Variants in LCN8 observed in about 807,000 individuals in gnomAD.
LCN8 encodes the protein lipocalin 8.
In LCN8, 16 loss-of-function variants were observed where a neutral mutation model predicts 22.8. The observed-to-expected ratio is 0.70, with a 90% CI of 0.47 to 1.06. The LOEUF (loss-of-function observed/expected upper bound fraction) is 1.06. Ranked by LOEUF, LCN8 falls within the 50% of genes least tolerant of loss-of-function variation. The pLI, the probability that LCN8 is intolerant of heterozygous loss-of-function variation, is 0.00. For synonymous variants in LCN8, 92 were observed against 83.4 expected (o/e 1.10, Z -0.56); for missense variants, 189 against 203.3 (o/e 0.93, Z 0.43).
Position 136,756,530 on chromosome 9 carries a change from G to A in LCN8, c.218C>T (p.Ala73Val). ...GSEIDSTGKF[A>V]FPGHREIHVL... ...AGGGCAACTGCACTTACCAGGAAAA[G>A]CGAATTTTCCCGTACTGTCTATTTC... The change falls in exon 3 of 7, where the codon GCT (alanine) becomes GTT (valine). Residue 73 changes from alanine (A) to valine (V), a missense_variant. Coordinates refer to ENST00000371688, the MANE Select transcript of LCN8 (RefSeq NM_178469.4). The A allele has an allele frequency of 1.2e-6, 2 of 1,614,130 alleles. No individual in the cohort carries two copies. The highest frequency in any genetic ancestry group is 1.7e-6 in the Non-Finnish European group (2 of 1,180,020).
chr9:136,758,450 C>T (rs909211717), upstream of LCN8: 15 of 992,864 alleles, frequency 1.5e-5, no homozygotes, highest in Admixed American at 2.3e-4. Context: ...GTGTGCCAGA[C>T]GCAGTGGGCA....
rs990340638 is a variant in LCN8 at position 136,758,166 on chromosome 9, G to A, written c.-236C>T. The A allele has an allele frequency of 5.6e-6, 8 of 1,429,012 alleles. No individual in the cohort carries two copies. The highest frequency in any genetic ancestry group is 2.9e-5 in the South Asian group (2 of 68,148). The allele number at this position is 1,429,012 out of a possible 1,614,324, so 88.5% of individuals were successfully genotyped here. A position where few individuals can be genotyped will look rare whatever the true frequency, so the allele number is the denominator to read the frequency against. On this transcript the variant is annotated 5_prime_UTR_variant, in exon 1 of 7. Transcript: ENST00000371688. ...CGCCATCGGCCCTGGTGACACCCAC[G>A]CCCACCGCAGGGGTTAGCCTGGCCT...
chr9:136,754,603 G>C lies in LCN8; in HGVS notation c.448-94C>G, dbSNP rs945267431. 2.3e-5 allele frequency: 35 copies of C among 1,497,656 alleles called. No homozygotes were observed. In the Admixed American group the frequency reaches 3.2e-4, roughly 14 times the overall value. The allele number at this position is 1,497,656 out of a possible 1,614,324, so 92.8% of individuals were successfully genotyped here. On this transcript the variant is annotated intron_variant, in intron 6 of 6. Coordinates refer to ENST00000371688, the MANE Select transcript of LCN8 (RefSeq NM_178469.4). ...GCCACACGGCGGGACTTCTGTCCTC[G>C]CTGCCTGGTTTTGCGCAAAGCACCC... is the stretch of plus-strand genomic sequence containing the variant.
intron 3 of LCN8, 157 bp downstream of exon 3, chr9:136,756,365 G>C: frequency 1.3e-6 from 2 of 1,582,000 alleles, no homozygotes; most frequent in Non-Finnish European, 1.7e-6. Context: ...ACAGGGAATA[G>C]TTCAGGGAAC....
intron 1 of LCN8, chr9:136,757,512 A>C: frequency 7.4e-7 from 1 of 1,348,688 alleles, no homozygotes; most frequent in Non-Finnish European, 9.5e-7. Flanking sequence ...AGGCCTGGAA[A>C]AGAAAGCCCG....
At chr9:136,758,479 G>A (rs1564333383), upstream of LCN8, 12 of 991,776 alleles carry the variant, frequency 1.2e-5, no homozygotes, top group Non-Finnish European at 1.1e-5. Flanking sequence ...TCCGGAGGCC[G>A]GAGGCACAGC....
At chr9:136,755,917 G>C in intron 3 of LCN8, 3 of 1,296,924 alleles carry the variant, frequency 2.3e-6, no homozygotes, top group Middle Eastern at 2.1e-4. Flanking sequence ...AACAGTGCAG[G>C]GAGCATTGCA....
chr9:136,754,991 T>A, intron 6 of LCN8, 144 bp downstream of exon 6: 1 of 1,415,958 alleles, frequency 7.1e-7, no homozygotes, highest in Non-Finnish European at 9.2e-7. Flanking sequence ...CCACCAGTGG[T>A]GTTTGGTGTC....
At chr9:136,754,918 G>A in intron 6 of LCN8, 2 of 1,377,810 alleles carry the variant, frequency 1.5e-6, no homozygotes, top group East Asian at 2.7e-5. Context: ...GGCAGCCTAG[G>A]GTCACCACCC....
intron 1 of LCN8, 166 bp from the exon 2 acceptor site, chr9:136,757,334 G>T: frequency 6.9e-7 from 1 of 1,448,800 alleles, no homozygotes; most frequent in Middle Eastern, 2.5e-4. Context: ...CTGTCCCCAG[G>T]CATGTGTCCC....
rs145052535 is a variant in LCN8 at position 136,757,984 on chromosome 9, G to A, written c.-54C>T. The A allele has an allele frequency of 5.3e-3, 8,563 of 1,608,386 alleles. 35 individuals are homozygous for A. Among genetic ancestry groups the A allele is most frequent in the Non-Finnish European group, 6.7e-3 (7,881 of 1,178,370 alleles). ...ACGAGGACACCCAGGATGGTGCACG[G>A]CAGCCTGGCCTCCGTGGCGGGGTCC... is the stretch of plus-strand genomic sequence containing the variant. On this transcript the variant is annotated 5_prime_UTR_variant, in exon 1 of 7. Coordinates refer to ENST00000371688, the MANE Select transcript of LCN8 (RefSeq NM_178469.4).
intron 6 of LCN8, chr9:136,754,835 A>C: frequency 1.5e-6 from 2 of 1,344,332 alleles, no homozygotes; most frequent in Non-Finnish European, 1.9e-6. Context: ...CACCGAAGAA[A>C]AGGCGCCATT....
rs115550517 is a variant in LCN8, at chr9:136,755,114, A to T, written c.447+21T>A. 2.9e-3 allele frequency: 4,475 copies of T among 1,538,212 alleles called. 127 individuals carry two copies. In the African/African-American group the frequency reaches 0.054, roughly 19 times the overall value. ...GGGCCCGGGAACTTCAGCACAGGCC[A>T]GGGTCGGGGGTCAGGCTCACCTCCT... On this transcript the variant is annotated intron_variant, in intron 6 of 6. Coordinates refer to ENST00000371688, the MANE Select transcript of LCN8 (RefSeq NM_178469.4).
intron 1 of LCN8, chr9:136,757,672 A>G: frequency 1.4e-6 from 2 of 1,434,612 alleles, no homozygotes; most frequent in Non-Finnish European, 1.8e-6. Context: ...AAACCCTACC[A>G]TTTTCGGGAG....
At chr9:136,754,582 C>T (rs982046111) in intron 6 of LCN8, 73 bp from the exon 7 acceptor site, 3 of 1,521,966 alleles carry the variant, frequency 2.0e-6, no homozygotes, top group East Asian at 2.5e-5. Context: ...ATGAGGGCCA[C>T]ACGGCGGGAC....
At chr9:136,756,338 A>C in intron 3 of LCN8, 184 bp downstream of exon 3, 1 of 1,548,482 alleles carries the variant, frequency 6.5e-7, no homozygotes, top group Non-Finnish European at 8.7e-7. Context: ...AGTGCAGGGA[A>C]CAACATGGGG....
chr9:136,754,469 G>A lies in LCN8; in HGVS notation c.*29C>T, dbSNP rs535892853. On this transcript the variant is annotated 3_prime_UTR_variant, in exon 7 of 7. Transcript: ENST00000371688. ...AGGGGCAGGGGTGGGCGGGCGCTCC[G>A]AACCTTGTGGTCTGAGGCAGGAACT... 4.7e-5 allele frequency: 73 copies of A among 1,556,374 alleles called. No homozygotes were observed. The highest frequency in any genetic ancestry group is 1.2e-4 in the East Asian group (5 of 42,348).
chr9:136,758,238 G>A lies in LCN8; in HGVS notation c.-308C>T. Reference sequence around the variant, plus strand: ...CCCTCCTGGCATATGGACAGCGGTGGACGCTGCTGGGGCCGTCTCGGAGCC... The same window carrying A: ...CCCTCCTGGCATATGGACAGCGGTGAACGCTGCTGGGGCCGTCTCGGAGCC... On this transcript the variant is annotated 5_prime_UTR_variant, in exon 1 of 7. Coordinates refer to ENST00000371688, the MANE Select transcript of LCN8 (RefSeq NM_178469.4). 7.6e-7 allele frequency: 1 copy of A among 1,312,216 alleles called. No homozygotes were observed. The highest frequency in any genetic ancestry group is 9.7e-7 in the Non-Finnish European group (1 of 1,025,906). 81.3% of individuals were successfully genotyped at this position (1,312,216 alleles called of 1,614,324 possible). A position where few individuals can be genotyped will look rare whatever the true frequency, so the allele number is the denominator to read the frequency against.
chr9:136,755,171 G>T lies in LCN8; in HGVS notation c.422-11C>A, dbSNP rs201216984. The T allele has an allele frequency of 3.7e-4, 587 of 1,603,478 alleles. 1 individual carries two copies. The African/African-American group carries it at 7.2e-3, about 20-fold the overall frequency. On this transcript the variant is annotated splice_polypyrimidine_tract_variant and intron_variant, in intron 5 of 6. Coordinates refer to ENST00000371688, the MANE Select transcript of LCN8 (RefSeq NM_178469.4). ...GCTCGGCACACCGCCCTGCAGGATA[G>T]GCCAGCATGAGGAGCTGCAGAGTCA... is the stretch of plus-strand genomic sequence containing the variant.
Sources: allele counts gnomAD v4.1 joint callset, GRCh38; gene constraint gnomAD v4.1.1; transcripts MANE v1.5; gene names NCBI Gene and HGNC (gene_info 2026-07-23, HGNC 2026-07-21).